Variants in TTC28 observed in about 807,000 individuals in gnomAD.
The protein encoded by TTC28 is tetratricopeptide repeat protein 28.
TTC28 carries 61 observed loss-of-function variants against 198.0 expected under a neutral mutation model. The ratio of observed to expected loss-of-function variants is 0.31; its 90% confidence interval spans 0.25 to 0.38. The LOEUF is 0.38. TTC28 is among the 10% of genes least tolerant of loss of function. The probability of loss-of-function intolerance (pLI) is 1.00; values close to 1 mark genes in which losing one functional copy is unlikely to be tolerated. For synonymous variants in TTC28, 1,171 were observed against 1,297.8 expected (o/e 0.90, Z 2.10); for missense variants, 2,678 against 3,164.0 (o/e 0.85, Z 3.69).
Position 27,983,718 on chromosome 22 carries a change from G to C in TTC28, c.5949C>G (p.Asp1983Glu). Residue 1983 changes from aspartate to glutamate, a missense_variant, in exon 23 of 23, where the codon GAC (aspartate) becomes GAG (glutamate). Asp to Glu is a conservative substitution (Grantham distance 45). This residue lies in a region of TTC28 where 622 missense variants were observed against 656.0 expected (regional missense o/e 0.95). Coordinates refer to ENST00000397906, the MANE Select transcript of TTC28 (RefSeq NM_001145418.2). ...QQPPFSPTGADSIASDAISVY... is the reference protein window; with the variant it reads ...QQPPFSPTGAESIASDAISVY... ...CAGAGATGGCATCTGAGGCGATGCT[G>C]TCCGCACCGGTGGGAGAGAAGGGGG... 2 of 1,551,536 alleles carry C rather than the reference G, an allele frequency of 1.3e-6. No homozygotes were observed. Among genetic ancestry groups the C allele is most frequent in the Non-Finnish European group, 1.7e-6 (2 of 1,146,914 alleles).
chr22:28,578,929 G>A (rs2050190067), intron 2 of TTC28, among the ~76,000 whole-genome samples: 1 of 152,064 alleles, frequency 6.6e-6, no homozygotes, highest in Admixed American at 6.6e-5. Context: ...ACTACTATGG[G>A]CTAAAGGGCT....
At chr22:28,338,572 G>A (rs190236073) in intron 2 of TTC28, among the ~76,000 whole-genome samples, 15 of 151,944 alleles carry the variant, frequency 9.9e-5, no homozygotes, top group African/African-American at 2.4e-4. Flanking sequence ...TTCTCTTCTC[G>A]CTTCATTTCA....
chr22:28,663,324 C>G (rs1234253584), intron 1 of TTC28, among the ~76,000 whole-genome samples: 4 of 150,550 alleles, frequency 2.7e-5, no homozygotes, highest in Non-Finnish European at 5.9e-5. Flanking sequence ...CAGCTCCGGT[C>G]TACAGCTCCC....
chr22:28,297,768 T>G lies in TTC28; in HGVS notation c.614A>C (p.Glu205Ala). The G allele has an allele frequency of 1.3e-6, 2 of 1,551,680 alleles. No individual in the cohort carries two copies. The highest frequency in any genetic ancestry group is 1.7e-6 in the Non-Finnish European group (2 of 1,146,994). ...CCCATGATGGCCAGCTGTCAGGAGT[T>G]CCTGCCCAACCACAGACACGACCAC... Reference protein sequence around the residue: ...PFVVVSVVGQELLTAGHHGAS... With the variant: ...PFVVVSVVGQALLTAGHHGAS... Residue 205 changes from glutamate (E) to alanine (A), a missense_variant, in exon 4 of 23, where the codon GAA (glutamate) becomes GCA (alanine). Transcript: ENST00000397906.
intron 2 of TTC28, among the ~76,000 whole-genome samples, chr22:28,374,962 C>A (rs1428140595): frequency 1.3e-5 from 2 of 151,604 alleles, no homozygotes; most frequent in Non-Finnish European, 2.9e-5. Flanking sequence ...GTGGCTCATG[C>A]CTGTAATCTA....
In TTC28 at chr22:27,981,442, G is replaced by C. The variant is rs1004414296; in HGVS notation, c.*779C>G. 8 of 151,846 alleles carry C rather than the reference G, an allele frequency of 5.3e-5. No homozygotes were observed. Among genetic ancestry groups the C allele is most frequent in the African/African-American group, 1.9e-4 (8 of 41,398 alleles). 9.4% of individuals were successfully genotyped at this position (151,846 alleles called of 1,614,324 possible). ...AGTTGTTTATCCATATACAAAAAAGGTCAATAATGTTTTAAAAGCACAAAG... is the reference window on the plus strand; with the variant it reads ...AGTTGTTTATCCATATACAAAAAAGCTCAATAATGTTTTAAAAGCACAAAG... On this transcript the variant is annotated 3_prime_UTR_variant, in exon 23 of 23. Coordinates refer to ENST00000397906, the MANE Select transcript of TTC28 (RefSeq NM_001145418.2).
intron 2 of TTC28, among the ~76,000 whole-genome samples, chr22:28,585,215 C>T (rs942356204): frequency 5.3e-5 from 8 of 152,234 alleles, no homozygotes; most frequent in Admixed American, 3.9e-4. Flanking sequence ...ATTTATTGTG[C>T]ACTTTATTTC....
chr22:28,662,443 T>G (rs1267231306), intron 1 of TTC28, among the ~76,000 whole-genome samples: 1 of 152,232 alleles, frequency 6.6e-6, no homozygotes, highest in East Asian at 1.9e-4. Flanking sequence ...ATTGATAAAG[T>G]TACTTAACCT....
chr22:28,376,656 G>C (rs1222300268), intron 2 of TTC28, among the ~76,000 whole-genome samples: 3 of 152,162 alleles, frequency 2.0e-5, no homozygotes, highest in South Asian at 2.1e-4. Flanking sequence ...GAGTTTTCAG[G>C]CTCCAGCTCT....
chr22:28,585,613 C>G (rs775329215), intron 2 of TTC28, among the ~76,000 whole-genome samples: 1 of 152,076 alleles, frequency 6.6e-6, no homozygotes, highest in East Asian at 1.9e-4. Flanking sequence ...GGGTTGGGGA[C>G]CCCTGCTTTA....
chr22:28,257,138 G>A (rs932155572), intron 5 of TTC28, among the ~76,000 whole-genome samples: 9 of 152,164 alleles, frequency 5.9e-5, no homozygotes, highest in Non-Finnish European at 1.3e-4. Flanking sequence ...AGGAACCTTT[G>A]TACACTGTTG....
At chr22:28,367,413 C>T (rs1342232992) in intron 2 of TTC28, among the ~76,000 whole-genome samples, 1 of 151,772 alleles carries the variant, frequency 6.6e-6, no homozygotes, top group African/African-American at 2.4e-5. Context: ...CATAACATAT[C>T]AAAACTTACG....
At chr22:28,300,566 A>G (rs1226412611) in intron 3 of TTC28, among the ~76,000 whole-genome samples, 1 of 152,264 alleles carries the variant, frequency 6.6e-6, no homozygotes, top group Admixed American at 6.5e-5. Flanking sequence ...ATACACTTCA[A>G]AAGATAAATT....
chr22:28,190,156 T>G (rs925114606), intron 5 of TTC28, among the ~76,000 whole-genome samples: 4 of 152,234 alleles, frequency 2.6e-5, no homozygotes, highest in Non-Finnish European at 4.4e-5. Flanking sequence ...CAACCTGTTC[T>G]CTTACCTGCA....
At chr22:28,614,149 AACAG>A in intron 2 of TTC28, among the ~76,000 whole-genome samples, 1 of 152,164 alleles carries the variant, frequency 6.6e-6, no homozygotes. Flanking sequence ...ATACACCAAT[AACAG>A]ACAAACAGAG....
intron 5 of TTC28, among the ~76,000 whole-genome samples, chr22:28,184,158 T>C (rs1300475776): frequency 6.6e-6 from 1 of 152,202 alleles, no homozygotes; most frequent in African/African-American, 2.4e-5. Flanking sequence ...GGGCTTATTA[T>C]GACCACACAT....
rs145012393 is a variant in TTC28, at chr22:28,322,019, A to G, written c.382-15376T>C. ...GCTAATTTTTGTATTTTTAGTAGAGACAGGGTTTCACCATATTGGCCAGGC... is the reference window on the plus strand; with the variant it reads ...GCTAATTTTTGTATTTTTAGTAGAGGCAGGGTTTCACCATATTGGCCAGGC... On this transcript the variant is annotated intron_variant, in intron 2 of 22. Coordinates refer to ENST00000397906, the MANE Select transcript of TTC28 (RefSeq NM_001145418.2). Among the ~76,000 whole-genome samples, 1,047 of 152,196 alleles carry G rather than the reference A, an allele frequency of 6.9e-3. 8 individuals carry two copies. The highest frequency in any genetic ancestry group is 0.024 in the African/African-American group (996 of 41,538).
chr22:28,010,745 T>C (rs185817781), intron 14 of TTC28, among the ~76,000 whole-genome samples: 41 of 152,266 alleles, frequency 2.7e-4, no homozygotes, highest in African/African-American at 8.9e-4. Flanking sequence ...GCCCAGCCCC[T>C]TCCTTCTGCT....
chr22:28,297,016 A>C (rs1427426276), intron 4 of TTC28, among the ~76,000 whole-genome samples: 1 of 152,178 alleles, frequency 6.6e-6, no homozygotes, highest in Non-Finnish European at 1.5e-5. Context: ...ATTAAAACTA[A>C]GATGAAAGAT....
Sources: allele counts gnomAD v4.1 joint callset (sites outside exome capture counted in the v4.1 genomes callset), GRCh38; gene constraint gnomAD v4.1.1; regional missense constraint gnomAD v4.1.1; transcripts MANE v1.5; gene names NCBI Gene and HGNC (gene_info 2026-07-23, HGNC 2026-07-21).